JMJD7: variants seen among roughly 807,000 people sequenced by gnomAD.
JMJD7 encodes the protein bifunctional peptidase and (3S)-lysyl hydroxylase JMJD7.
Under a neutral mutation model 41.1 loss-of-function variants are expected in JMJD7, and 41 were observed. That is an observed-to-expected ratio of 1.00 (90% CI 0.78 to 1.30). The LOEUF (loss-of-function observed/expected upper bound fraction) is 1.30, where lower values mean the gene tolerates loss of function less well. Among genes scored for constraint, JMJD7 ranks in the 50% most tolerant of loss-of-function variants. The pLI is 0.00. For missense variants in JMJD7, 480 were observed against 420.7 expected, an observed-to-expected ratio of 1.14 and a Z score of -1.23; for synonymous variants, 202 against 177.2, an observed-to-expected ratio of 1.14 and a Z score of -1.11.
chr15:41,832,384 T>C, intron 1 of JMJD7: 1 of 177,872 alleles, frequency 5.6e-6, no homozygotes, highest in Non-Finnish European at 1.2e-5. Flanking sequence ...CCGTGACAGT[T>C]TATGGCTGCG....
chr15:41,836,105 C>A, intron 4 of JMJD7, 43 bp from the exon 5 acceptor site: 1 of 1,544,216 alleles, frequency 6.5e-7, no homozygotes, highest in South Asian at 1.2e-5. Flanking sequence ...TCCCGTGCCC[C>A]TGCCCTCCAT....
chr15:41,828,483 C>G (rs1156742175), intron 1 of JMJD7: 6 of 318,444 alleles, frequency 1.9e-5, no homozygotes, highest in Admixed American at 5.0e-5. Flanking sequence ...GAAAGCTCAT[C>G]GAAGGCACAC....
intron 1 of JMJD7, chr15:41,829,178 T>C (rs763080990): frequency 2.6e-5 from 4 of 152,096 alleles, no homozygotes; most frequent in African/African-American, 7.3e-5. Flanking sequence ...CATTGTAGAG[T>C]AGAAGAAGTA....
intron 1 of JMJD7, among the ~76,000 whole-genome samples, chr15:41,833,404 A>ATTTT (rs1567164783): frequency 4.9e-5 from 2 of 41,154 alleles, no homozygotes; most frequent in Non-Finnish European, 1.1e-4. Flanking sequence ...ATATATATAT[A>ATTTT]TATATATATA....
At chr15:41,836,271 C>G in intron 5 of JMJD7, 28 bp downstream of exon 5, 1 of 1,611,260 alleles carries the variant, frequency 6.2e-7, no homozygotes, top group Non-Finnish European at 8.5e-7. Context: ...CAGGGAGGGG[C>G]TGGGGAACAG....
Position 41,828,148 on chromosome 15 carries a change from C to T in JMJD7, c.24C>T (p.Ala8=), listed in dbSNP as rs373676102. The change falls in exon 1 of 8, where the codon GCC becomes GCT. Residue 8 remains alanine, a synonymous_variant. Transcript: ENST00000397299. MAEAALE[A]VRSELREFPA... is the part of the protein sequence containing the mutation. ...CCATGGCGGAGGCGGCTTTGGAAGC[C>T]GTGCGGAGCGAGTTACGAGAATTCC... is the stretch of plus-strand genomic sequence containing the variant. The T allele has an allele frequency of 4.7e-6, 7 of 1,483,742 alleles. No individual in the cohort carries two copies. Among genetic ancestry groups the T allele is most frequent in the East Asian group, 2.7e-5 (1 of 36,426 alleles). 91.9% of individuals were successfully genotyped at this position (1,483,742 alleles called of 1,614,324 possible).
At chr15:41,834,388 C>T (rs544344897) in intron 1 of JMJD7, among the ~76,000 whole-genome samples, 1 of 152,342 alleles carries the variant, frequency 6.6e-6, no homozygotes, top group South Asian at 2.1e-4. Flanking sequence ...GCTCCCAATG[C>T]CACTTCCATG....
chr15:41,835,014 A>G lies in JMJD7; in HGVS notation c.263A>G (p.Asp88Gly), dbSNP rs2065288741. ...GAGGTGAGTGTGGCCGTGACCCCAG[A>G]TGGTTACGCGGATGCCGTGAGAGGG... ...STEVSVAVTP[D>G]GYADAVRGDR... Residue 88 changes from aspartate to glycine, a missense_variant, in exon 3 of 8, where the codon GAT becomes GGT. Coordinates refer to ENST00000397299, the MANE Select transcript of JMJD7 (RefSeq NM_001114632.2). 6.2e-7 allele frequency: 1 copy of G among 1,614,022 alleles called. No individual in the cohort carries two copies. Among genetic ancestry groups the G allele is most frequent in the Non-Finnish European group, 8.5e-7 (1 of 1,180,032 alleles).
intron 7 of JMJD7, 37 bp downstream of exon 7, chr15:41,836,977 G>A: frequency 6.2e-7 from 1 of 1,609,904 alleles, no homozygotes; most frequent in Non-Finnish European, 8.5e-7. Context: ...GAGAGGCCCT[G>A]TCAAGGTCCA....
At chr15:41,832,813 G>A (rs1056581406) in intron 1 of JMJD7, among the ~76,000 whole-genome samples, 1 of 152,244 alleles carries the variant, frequency 6.6e-6, no homozygotes, top group African/African-American at 2.4e-5. Flanking sequence ...ATTTGGAGCA[G>A]CATGTGGTAA....
At position 41,836,893 on chromosome 15, in the gene JMJD7, C is replaced by T. The variant is rs374425277; in HGVS notation, c.815C>T (p.Pro272Leu). The change falls in exon 7 of 8, where the codon CCG (proline) becomes CTG (leucine). Residue 272 changes from proline to leucine, a missense_variant. Physicochemically the swap from Pro to Leu is moderately conservative, Grantham distance 98 (BLOSUM62 -3). Coordinates refer to ENST00000397299, the MANE Select transcript of JMJD7 (RefSeq NM_001114632.2). ...CGGGCCGGTGAGATGCTCTATCTGC[C>T]GGCTCTGTGGTTCCACCACGTCCAG... ...TVRAGEMLYL[P>L]ALWFHHVQQS... 3.8e-5 allele frequency: 62 copies of T among 1,613,400 alleles called. No homozygotes were observed. The highest frequency in any genetic ancestry group is 1.6e-4 in the Middle Eastern group (1 of 6,084).
At chr15:41,836,663 T>A in intron 6 of JMJD7, 112 bp downstream of exon 6, 1 of 1,466,626 alleles carries the variant, frequency 6.8e-7, no homozygotes, top group Non-Finnish European at 9.0e-7. Context: ...AGTCTCTAAG[T>A]CTGAGGCCTT....
chr15:41,835,456 C>T (rs991837994), intron 3 of JMJD7, 132 bp from the exon 4 acceptor site: 14 of 1,403,774 alleles, frequency 1.0e-5, no homozygotes, highest in East Asian at 2.3e-5. Flanking sequence ...GATTTCCCAA[C>T]CTCTGCCTCT....
rs751477791 is a variant in JMJD7 at position 41,836,838 on chromosome 15, A to G, written c.760A>G (p.Ser254Gly). The G allele has an allele frequency of 6.2e-7, 1 of 1,613,034 alleles. No homozygotes were observed. Among genetic ancestry groups the G allele is most frequent in the Admixed American group, 1.7e-5 (1 of 59,958 alleles). The stretch of plus-strand genomic sequence containing the variant: ...AGACCTAGCACGGTACCCTAGTTAC[A>G]GTCAGGCCCAGGCCCTTCGCTGCAC... ...APDLARYPSY[S>G]QAQALRCTVR... The change falls in exon 7 of 8, where the codon AGT (serine) becomes GGT (glycine). Residue 254 changes from serine (S) to glycine (G), a missense_variant. Ser to Gly is a moderately conservative substitution (Grantham distance 56). Transcript: ENST00000397299.
Position 41,835,118 on chromosome 15 carries a change from C to T in JMJD7, c.367C>T (p.Pro123Ser). ...LDVLEGRAQHPGVLYVQKQCS... is the reference protein window; with the variant it reads ...LDVLEGRAQHSGVLYVQKQCS... ...TGTGCTGGAGGGCCGGGCCCAGCAC[C>T]CTGGAGTCCTCTATGTGCAGAAGCA... Residue 123 changes from proline (P) to serine (S), a missense_variant, in exon 3 of 8, where the codon CCT becomes TCT. Transcript: ENST00000397299. The T allele has an allele frequency of 6.2e-7, 1 of 1,611,758 alleles. No homozygotes were observed.
chr15:41,832,821 T>G (rs561827646), intron 1 of JMJD7, among the ~76,000 whole-genome samples: 2 of 152,208 alleles, frequency 1.3e-5, no homozygotes, highest in Non-Finnish European at 2.9e-5. Context: ...CAGCATGTGG[T>G]AACCACCAAA....
intron 1 of JMJD7, among the ~76,000 whole-genome samples, chr15:41,834,256 A>T (rs2065275985): frequency 6.6e-6 from 1 of 152,244 alleles, no homozygotes; most frequent in South Asian, 2.1e-4. Flanking sequence ...CAGATTAGCC[A>T]AGCCAAGTGC....
chr15:41,829,882 A>C (rs1055743448), intron 1 of JMJD7, among the ~76,000 whole-genome samples: 6 of 152,238 alleles, frequency 3.9e-5, no homozygotes, highest in Non-Finnish European at 7.3e-5. Flanking sequence ...CAGCGTGGGC[A>C]ACATAGTGAG....
intron 5 of JMJD7, 22 bp from the exon 6 acceptor site, chr15:41,836,453 A>T: frequency 6.4e-7 from 1 of 1,565,188 alleles, no homozygotes; most frequent in Non-Finnish European, 8.7e-7. Context: ...ATTCCCCCAC[A>T]CCCTTCTCCC....
Sources: gnomAD v4.1 joint callset for allele counts (sites outside exome capture counted in the v4.1 genomes callset) on GRCh38, gnomAD v4.1.1 for gene constraint, MANE v1.5 for transcripts, NCBI Gene and HGNC (gene_info 2026-07-23, HGNC 2026-07-21) for gene names.